Variants in GOLGA8R observed in about 807,000 individuals in gnomAD.
GOLGA8R encodes golgin A8 family member R, also known as golgin subfamily A member 8R.
GOLGA8R carries 6 observed loss-of-function variants against 21.4 expected under a neutral mutation model. That is an observed-to-expected ratio of 0.28 (90% CI 0.15 to 0.55). GOLGA8R has a LOEUF of 0.55. Among genes scored for constraint, GOLGA8R ranks in the 20% least tolerant of loss-of-function variants. The pLI is 0.94. For synonymous variants in GOLGA8R, 8 were observed against 49.3 expected, an observed-to-expected ratio of 0.16 and a Z score of 3.51; for missense variants, 41 against 139.9, an observed-to-expected ratio of 0.29 and a Z score of 3.57.
Position 30,407,978 on chromosome 15 carries a change from C to A in GOLGA8R, c.801G>T (p.Lys267Asn), listed in dbSNP as rs1409053782. 3 of 1,611,734 alleles carry A rather than the reference C, an allele frequency of 1.9e-6. No homozygotes were observed. The highest frequency in any genetic ancestry group is 1.3e-5 in the African/African-American group (1 of 74,722). The part of the protein sequence containing the change: ...SKMSQEICTL[K>N]KEKQDMRWVE... ...CCCAACGCATATCCTGCTTCTCTTT[C>A]TTTAATGTGCAAATCTGCCCAAAGC... Residue 267 changes from lysine (K) to asparagine (N), a missense_variant, in exon 11 of 19, where the codon AAG becomes AAT. Physicochemically the swap from Lys to Asn is moderately conservative, Grantham distance 94. Around this residue, in one of 3 missense-constraint regions of GOLGA8R, gnomAD observed 38 missense variants for 32.6 expected, o/e 1.17. Transcript: ENST00000327271.
Position 30,407,999 on chromosome 15 carries a change from A to C in GOLGA8R, c.787-7T>G. On this transcript the variant is annotated splice_region_variant and splice_polypyrimidine_tract_variant and intron_variant, in intron 10 of 18. Coordinates refer to ENST00000327271, the MANE Select transcript of GOLGA8R (RefSeq NM_001282484.1). ...CTTTCTTTAATGTGCAAATCTGCCC[A>C]AAGCACAGGGGGAAAGGGCCCTGGA... The C allele has an allele frequency of 6.2e-7, 1 of 1,613,178 alleles. No homozygotes were observed. The highest frequency in any genetic ancestry group is 2.2e-5 in the East Asian group (1 of 44,888).
chr15:30,400,752 C>T lies in GOLGA8R; in HGVS notation c.*2988G>A, dbSNP rs1294423392. On this transcript the variant is annotated 3_prime_UTR_variant, in exon 19 of 19. Transcript: ENST00000327271. ...AATTGGCATTTCTTTCTCTGCTTTT[C>T]GTTCCCACCATTTCTTTCTTTTATA... 2.0e-5 allele frequency among the ~76,000 whole-genome samples: 1 copy of T among 50,416 alleles called. No homozygotes were observed. Among genetic ancestry groups the T allele is most frequent in the Non-Finnish European group, 4.4e-5 (1 of 22,802 alleles). 33.1% of individuals were successfully genotyped at this position (50,416 alleles called of 152,430 possible). A position where few individuals can be genotyped will look rare whatever the true frequency, so the allele number is the denominator to read the frequency against.
At chr15:30,404,203 CTCA>C in intron 17 of GOLGA8R, 46 bp downstream of exon 17, 3 of 28,620 alleles carry the variant, frequency 1.0e-4, no homozygotes, top group South Asian at 2.1e-4. Flanking sequence ...TGCGCCCACC[CTCA>C]CACCCACCCC....
intron 2 of GOLGA8R, chr15:30,411,861 C>G: frequency 3.4e-5 from 2 of 58,840 alleles, no homozygotes; most frequent in South Asian, 2.2e-4. Context: ...TGAGGTCTAG[C>G]AACTTGCCCT....
In GOLGA8R at chr15:30,403,044, G is replaced by T. The variant is rs202182577; in HGVS notation, c.*696C>A. On this transcript the variant is annotated 3_prime_UTR_variant, in exon 19 of 19. Coordinates refer to ENST00000327271, the MANE Select transcript of GOLGA8R (RefSeq NM_001282484.1). The stretch of plus-strand genomic sequence containing the variant: ...TAATACACTGCTAATTCCTGGCACC[G>T]GAACAGATGAAACACACTCTATCCT... 8.0e-6 allele frequency among the ~76,000 whole-genome samples: 1 copy of T among 125,594 alleles called. No homozygotes were observed. Among genetic ancestry groups the T allele is most frequent in the African/African-American group, 3.1e-5 (1 of 32,102 alleles). The allele number at this position is 125,594 out of a possible 152,430, so 82.4% of individuals were successfully genotyped here.
intron 17 of GOLGA8R, 40 bp downstream of exon 17, chr15:30,404,211 CA>C: frequency 7.2e-3 from 3 of 414 alleles, no homozygotes; most frequent in Non-Finnish European, 0.012. Flanking sequence ...CCCTCACACC[CA>C]CCCCCACCCC....
In GOLGA8R at chr15:30,400,761, C is replaced by T. The variant is rs1255308972; in HGVS notation, c.*2979G>A. ...TTCTTTCTCTGCTTTTCGTTCCCAC[C>T]ATTTCTTTCTTTTATACTACAGTAT... On this transcript the variant is annotated 3_prime_UTR_variant, in exon 19 of 19. Transcript: ENST00000327271. Among the ~76,000 whole-genome samples the T allele has an allele frequency of 9.2e-5, 5 of 54,232 alleles. 2 individuals carry two copies. The highest frequency in any genetic ancestry group is 1.1e-3 in the South Asian group (2 of 1,806). The allele number at this position is 54,232 out of a possible 152,430, so 35.6% of individuals were successfully genotyped here. A position where few individuals can be genotyped will look rare whatever the true frequency, so the allele number is the denominator to read the frequency against.
intron 11 of GOLGA8R, 127 bp downstream of exon 11, chr15:30,407,781 C>G: frequency 6.3e-7 from 1 of 1,596,392 alleles, no homozygotes; most frequent in East Asian, 2.2e-5. Flanking sequence ...TTGCGGTCTC[C>G]TGGCACAGAT....
chr15:30,411,974 C>T (rs527514882), intron 2 of GOLGA8R: 3,225 of 144,078 alleles, frequency 0.022, 505 homozygotes, highest in African/African-American at 0.13. Flanking sequence ...GGCTGGAGTG[C>T]GGTGGCATAA....
rs1364503830 is a variant in GOLGA8R, at chr15:30,402,818, G to T, written c.*922C>A. 1.2e-4 allele frequency among the ~76,000 whole-genome samples: 10 copies of T among 82,788 alleles called. No homozygotes were observed. The highest frequency in any genetic ancestry group is 7.9e-4 in the Admixed American group (6 of 7,590). The allele number at this position is 82,788 out of a possible 152,430, so 54.3% of individuals were successfully genotyped here. On this transcript the variant is annotated 3_prime_UTR_variant, in exon 19 of 19. Transcript: ENST00000327271. ...GTCATGTGATTAAAACAGGTAACAT[G>T]AACTCTGACTTTAAAATGTATTGTA...
chr15:30,407,862 C>G, intron 11 of GOLGA8R, 46 bp downstream of exon 11: 3 of 1,587,618 alleles, frequency 1.9e-6, no homozygotes, highest in Non-Finnish European at 2.6e-6. Flanking sequence ...CCCTCACAGC[C>G]CTCTGATGCC....
Position 30,406,934 on chromosome 15 carries a change from G to T in GOLGA8R, c.1197+17C>A, listed in dbSNP as rs2059083112. 1.6e-5 allele frequency: 1 copy of T among 64,454 alleles called. No homozygotes were observed. The highest frequency in any genetic ancestry group is 3.4e-4 in the East Asian group (1 of 2,910). The allele number at this position is 64,454 out of a possible 1,614,324, so 4.0% of individuals were successfully genotyped here. ...CCAGCCCTTCTTGGATGGGGTGGAG[G>T]TTTCCGTCTCCTTCACCTCGCCAAG... On this transcript the variant is annotated intron_variant, in intron 13 of 18. Coordinates refer to ENST00000327271, the MANE Select transcript of GOLGA8R (RefSeq NM_001282484.1).
chr15:30,408,176 G>C lies in GOLGA8R; in HGVS notation c.786+12C>G. The C allele has an allele frequency of 1.1e-6, 1 of 891,698 alleles. No individual in the cohort carries two copies. Among genetic ancestry groups the C allele is most frequent in the East Asian group, 2.7e-5 (1 of 37,692 alleles). The allele number at this position is 891,698 out of a possible 1,614,324, so 55.2% of individuals were successfully genotyped here. ...CTATCTAATGTGGGGGGGCTGAAGG[G>C]TCAGATCTCACCTCCTGCGACATTT... On this transcript the variant is annotated intron_variant, in intron 10 of 18. Transcript: ENST00000327271.
intron 11 of GOLGA8R, 89 bp downstream of exon 11, chr15:30,407,819 C>A: frequency 6.4e-7 from 1 of 1,561,572 alleles, no homozygotes; most frequent in Non-Finnish European, 8.8e-7. Flanking sequence ...AAAGCCCTTC[C>A]ATCCACCCAC....
rs1339747716 is a variant in GOLGA8R, at chr15:30,411,875, T to A, written c.169-435A>T. 2.5e-5 allele frequency: 2 copies of A among 81,444 alleles called. 1 individual carries two copies. Among genetic ancestry groups the A allele is most frequent in the African/African-American group, 1.1e-4 (2 of 17,852 alleles). The allele number at this position is 81,444 out of a possible 1,614,324, so 5.0% of individuals were successfully genotyped here. ...ATGAGGTCTAGCAACTTGCCCTAAA[T>A]CATATCCCTAGCAGAGCAGATGGAG... On this transcript the variant is annotated intron_variant, in intron 2 of 18. Coordinates refer to ENST00000327271, the MANE Select transcript of GOLGA8R (RefSeq NM_001282484.1).
chr15:30,411,237 T>A, intron 3 of GOLGA8R, 38 bp from the exon 4 acceptor site: 1 of 10,712 alleles, frequency 9.3e-5, no homozygotes, highest in South Asian at 5.3e-4. Flanking sequence ...GGAGCAGGAG[T>A]GGGGAGAGAG....
In GOLGA8R at chr15:30,408,008, G is replaced by T. The variant is rs1310161818; in HGVS notation, c.787-16C>A. On this transcript the variant is annotated splice_polypyrimidine_tract_variant and intron_variant, in intron 10 of 18. Transcript: ENST00000327271. ...ATGTGCAAATCTGCCCAAAGCACAG[G>T]GGGAAAGGGCCCTGGAGAGAGGGGC... 1.2e-6 allele frequency: 2 copies of T among 1,613,106 alleles called. No individual in the cohort carries two copies. Among genetic ancestry groups the T allele is most frequent in the Non-Finnish European group, 1.7e-6 (2 of 1,179,418 alleles).
rs752684563 is a variant in GOLGA8R, at chr15:30,407,995, G to T, written c.787-3C>A. The T allele has an allele frequency of 6.2e-7, 1 of 1,612,944 alleles. No individual in the cohort carries two copies. The highest frequency in any genetic ancestry group is 2.2e-5 in the East Asian group (1 of 44,900). On this transcript the variant is annotated splice_region_variant and splice_polypyrimidine_tract_variant and intron_variant, in intron 10 of 18. Transcript: ENST00000327271. ...TTCTCTTTCTTTAATGTGCAAATCT[G>T]CCCAAAGCACAGGGGGAAAGGGCCC... is the stretch of plus-strand genomic sequence containing the variant.
chr15:30,407,891 T>A lies in GOLGA8R; in HGVS notation c.871+17A>T, dbSNP rs745673664. 3.7e-6 allele frequency: 6 copies of A among 1,611,662 alleles called. No homozygotes were observed. The highest frequency in any genetic ancestry group is 3.3e-5 in the Admixed American group (2 of 59,994). ...TGATGCCAGTCCTGCTCCCAGGTCATGCCAGCCCCATCTTACCCGTCTGGT... is the reference window on the plus strand; with the variant it reads ...TGATGCCAGTCCTGCTCCCAGGTCAAGCCAGCCCCATCTTACCCGTCTGGT... On this transcript the variant is annotated intron_variant, in intron 11 of 18. Coordinates refer to ENST00000327271, the MANE Select transcript of GOLGA8R (RefSeq NM_001282484.1).
Sources: gnomAD v4.1 joint callset for allele counts (sites outside exome capture counted in the v4.1 genomes callset) on GRCh38, gnomAD v4.1.1 for gene constraint, gnomAD v4.1.1 regional missense constraint, MANE v1.5 for transcripts, NCBI Gene and HGNC (gene_info 2026-07-23, HGNC 2026-07-21) for gene names.